The following ENOPH1 variants were observed in gnomAD, a reference collection of about 807,000 sequenced individuals.
The protein encoded by ENOPH1 is enolase-phosphatase E1.
Under a neutral mutation model 31.1 loss-of-function variants are expected in ENOPH1, and 14 were observed. That is an observed-to-expected ratio of 0.45 (90% confidence interval 0.30 to 0.70). The LOEUF is 0.70. ENOPH1 is among the 30% of genes least tolerant of loss of function. The pLI, the probability that ENOPH1 is intolerant of heterozygous loss-of-function variation, is 0.09. For synonymous variants in ENOPH1, 127 were observed against 123.2 expected, an observed-to-expected ratio of 1.03 and a Z score of -0.21; for missense variants, 243 against 321.5, an observed-to-expected ratio of 0.76 and a Z score of 1.87.
chr4:82,441,322 CT>C (rs750447843), intron 1 of ENOPH1, among the ~76,000 whole-genome samples: 1 of 152,098 alleles, frequency 6.6e-6, no homozygotes, highest in South Asian at 2.1e-4. Flanking sequence ...GGGAGCTCCC[CT>C]TTATAAAACC....
Position 82,457,012 on chromosome 4 carries a change from T to C in ENOPH1, c.620T>C (p.Ile207Thr), listed in dbSNP as rs1046716479. 4 of 1,614,040 alleles carry C rather than the reference T, an allele frequency of 2.5e-6. No individual in the cohort carries two copies. Among genetic ancestry groups the C allele is most frequent in the Non-Finnish European group, 3.4e-6 (4 of 1,179,980 alleles). Residue 207 changes from isoleucine (I) to threonine (T), a missense_variant, in exon 5 of 6, where the codon ATT (isoleucine) becomes ACT (threonine). By Grantham distance (89) the Ile-to-Thr change is moderately conservative (BLOSUM62 -1). Transcript: ENST00000273920. Reference sequence around the variant, plus strand: ...AGCATTGGGTGCTCAACCAACAACATTTTGTTTCTGACAGATGTTACTCGA... The same window carrying C: ...AGCATTGGGTGCTCAACCAACAACACTTTGTTTCTGACAGATGTTACTCGA... ...ADSIGCSTNN[I>T]LFLTDVTREA...
intron 1 of ENOPH1, among the ~76,000 whole-genome samples, chr4:82,436,199 C>G (rs1006017498): frequency 2.0e-5 from 3 of 152,152 alleles, no homozygotes; most frequent in African/African-American, 7.2e-5. Flanking sequence ...TTTGTGGAAG[C>G]ACTGGAATGG....
In ENOPH1 at chr4:82,456,927, C is replaced by A. The variant is rs1722504226; in HGVS notation, c.535C>A (p.His179Asn). Residue 179 changes from histidine to asparagine, a missense_variant, in exon 5 of 6, where the codon CAC (histidine) becomes AAC (asparagine). Physicochemically the swap from His to Asn is moderately conservative, Grantham distance 68 (BLOSUM62 1). Coordinates refer to ENST00000273920, the MANE Select transcript of ENOPH1 (RefSeq NM_021204.5). ...TCTCTTTGTTCAGCTTGTTGATGGT[C>A]ACTTTGATACCAAGATTGGACACAA... ...EGDILELVDG[H>N]FDTKIGHKVE... 2 of 1,613,744 alleles carry A rather than the reference C, an allele frequency of 1.2e-6. No homozygotes were observed. Among genetic ancestry groups the A allele is most frequent in the Non-Finnish European group, 1.7e-6 (2 of 1,179,846 alleles).
intron 4 of ENOPH1, among the ~76,000 whole-genome samples, chr4:82,455,782 T>C (rs1372402271): frequency 6.7e-6 from 1 of 148,908 alleles, no homozygotes; most frequent in African/African-American, 2.5e-5. Context: ...TGAGATTCCA[T>C]CTCAAAAAAA....
In ENOPH1 at chr4:82,438,221, G is replaced by A. The variant is rs145746776; in HGVS notation, c.84+7308G>A. Among the ~76,000 whole-genome samples the A allele has an allele frequency of 2.3e-3, 347 of 152,318 alleles. 1 individual carries two copies. Among genetic ancestry groups the A allele is most frequent in the African/African-American group, 7.9e-3 (329 of 41,560 alleles). On this transcript the variant is annotated intron_variant, in intron 1 of 5. Coordinates refer to ENST00000273920, the MANE Select transcript of ENOPH1 (RefSeq NM_021204.5). The stretch of plus-strand genomic sequence containing the variant: ...TAAAATTGCAGACAAAGAAGAGTAT[G>A]ATATAGAGAGTGAAAGCCCTGATAT...
At chr4:82,430,937 A>T (rs1479763694) in intron 1 of ENOPH1, 24 bp downstream of exon 1, 2 of 1,601,300 alleles carry the variant, frequency 1.2e-6, no homozygotes, top group Non-Finnish European at 1.7e-6. Context: ...GGGAGCGGGG[A>T]TGTTACTTTT....
At position 82,451,571 on chromosome 4, in the gene ENOPH1, G is replaced by A. The variant is rs905740438; in HGVS notation, c.389+326G>A. Among the ~76,000 whole-genome samples the A allele has an allele frequency of 3.9e-5, 6 of 152,274 alleles. No homozygotes were observed. In the South Asian group the frequency reaches 6.2e-4, roughly 16 times the overall value. On this transcript the variant is annotated intron_variant, in intron 3 of 5. Coordinates refer to ENST00000273920, the MANE Select transcript of ENOPH1 (RefSeq NM_021204.5). ...TTCTTAGCACATGAGTGACAGCTCC[G>A]TTGGGCTGCTTGCCTGGACTGTTAA...
At chr4:82,459,095 A>G (rs1218761621) in intron 5 of ENOPH1, among the ~76,000 whole-genome samples, 1 of 152,106 alleles carries the variant, frequency 6.6e-6, no homozygotes, top group Non-Finnish European at 1.5e-5. Flanking sequence ...TTATATATAT[A>G]TATTCCAGAT....
intron 2 of ENOPH1, among the ~76,000 whole-genome samples, chr4:82,448,933 C>T (rs564050101): frequency 1.2e-4 from 18 of 151,404 alleles, no homozygotes; most frequent in Non-Finnish European, 2.2e-4. Context: ...TGGCCGGCGC[C>T]TGTAGTCCCA....
At chr4:82,438,035 T>G (rs569139968) in intron 1 of ENOPH1, among the ~76,000 whole-genome samples, 1 of 152,292 alleles carries the variant, frequency 6.6e-6, no homozygotes, top group South Asian at 2.1e-4. Flanking sequence ...CAGCTGATAA[T>G]GGAAATTAAA....
chr4:82,435,336 T>C (rs1220573508), intron 1 of ENOPH1, among the ~76,000 whole-genome samples: 1 of 152,216 alleles, frequency 6.6e-6, no homozygotes, highest in Non-Finnish European at 1.5e-5. Flanking sequence ...ACTCCTGGAC[T>C]CAAACAGTCC....
In ENOPH1 at chr4:82,457,878, TCA is replaced by T. The variant is rs552563270; in HGVS notation, c.646+843_646+844del. 5.3e-5 allele frequency among the ~76,000 whole-genome samples: 8 copies of T among 152,368 alleles called. No individual in the cohort carries two copies. The South Asian group carries it at 1.7e-3, about 32-fold the overall frequency. ...AGCCACTTAATTTTTGTATTTGGGA[TCA>T]CATAGTACATCTATAATTTCAGATC... On this transcript the variant is annotated intron_variant, in intron 5 of 5. Coordinates refer to ENST00000273920, the MANE Select transcript of ENOPH1 (RefSeq NM_021204.5).
chr4:82,452,082 ATT>A (rs376121846), intron 3 of ENOPH1, among the ~76,000 whole-genome samples: 10 of 141,978 alleles, frequency 7.0e-5, no homozygotes, highest in Admixed American at 1.4e-4. Context: ...TACCTGGCCT[ATT>A]TTTTTTTTTT....
At chr4:82,446,697 T>C (rs1722197461) in intron 1 of ENOPH1, among the ~76,000 whole-genome samples, 1 of 81,484 alleles carries the variant, frequency 1.2e-5, no homozygotes, top group African/African-American at 1.7e-4. Context: ...ATCTTTTTTT[T>C]TTTTTTTTTT....
intron 4 of ENOPH1, among the ~76,000 whole-genome samples, chr4:82,455,833 T>C (rs1281140635): frequency 4.6e-5 from 7 of 152,098 alleles, no homozygotes; most frequent in Non-Finnish European, 1.0e-4. Context: ...GTAACTTGAA[T>C]ATAGACCGAA....
chr4:82,447,615 G>T (rs1722229186), intron 1 of ENOPH1, among the ~76,000 whole-genome samples: 1 of 152,242 alleles, frequency 6.6e-6, no homozygotes, highest in African/African-American at 2.4e-5. Flanking sequence ...TTCTGCCATT[G>T]TGATGCAAAA....
intron 1 of ENOPH1, among the ~76,000 whole-genome samples, chr4:82,433,152 T>C (rs1721820130): frequency 6.6e-6 from 1 of 152,240 alleles, no homozygotes; most frequent in South Asian, 2.1e-4. Flanking sequence ...GGTAGTGATG[T>C]GGCATTAGAT....
chr4:82,455,977 C>T (rs1722483251), intron 4 of ENOPH1, among the ~76,000 whole-genome samples: 1 of 152,004 alleles, frequency 6.6e-6, no homozygotes, highest in Admixed American at 6.6e-5. Context: ...TATTTTCCTA[C>T]TTTCTGTCTT....
At chr4:82,457,943 T>C (rs1668879549) in intron 5 of ENOPH1, among the ~76,000 whole-genome samples, 1 of 152,264 alleles carries the variant, frequency 6.6e-6, no homozygotes, top group South Asian at 2.1e-4. Flanking sequence ...CAGTTGCAAT[T>C]GTAGAAATTA....
Sources: gnomAD v4.1 joint callset for allele counts (sites outside exome capture counted in the v4.1 genomes callset) on GRCh38, gnomAD v4.1.1 for gene constraint, MANE v1.5 for transcripts, NCBI Gene and HGNC (gene_info 2026-07-23, HGNC 2026-07-21) for gene names.